The following PDGFA variants were observed in gnomAD, a reference collection of about 807,000 sequenced individuals.
PDGFA encodes platelet-derived growth factor subunit A.
In PDGFA, 9 loss-of-function variants were observed where a neutral mutation model predicts 25.6. The ratio of observed to expected loss-of-function variants is 0.35; its 90% CI spans 0.21 to 0.61. The LOEUF (loss-of-function observed/expected upper bound fraction) is 0.61, where lower values mean the gene tolerates loss of function less well. PDGFA is among the 20% of genes least tolerant of loss of function. The probability of loss-of-function intolerance (pLI) is 0.75; values close to 1 mark genes in which losing one functional copy is unlikely to be tolerated. For missense variants in PDGFA, 242 were observed against 272.8 expected (o/e 0.89, Z 0.79); for synonymous variants, 133 against 111.8 (o/e 1.19, Z -1.20).
chr7:500,978 A>G lies in PDGFA; in HGVS notation c.580+138T>C. ...CCCCGCAGGCATCTGGCCCGGGAGC[A>G]GGGCAACGAATCCTTCAACAGCAGC... On this transcript the variant is annotated intron_variant, in intron 5 of 5. Coordinates refer to ENST00000402802, the Ensembl canonical transcript of PDGFA. The surrounding 1 kb of genome is among the most constrained non-coding windows in gnomAD (Gnocchi z 5.0). The G allele has an allele frequency of 6.3e-7, 1 of 1,599,478 alleles. No individual in the cohort carries two copies. The highest frequency in any genetic ancestry group is 1.7e-5 in the Admixed American group (1 of 59,914).
At chr7:512,307 C>T (rs1305666676) in intron 3 of PDGFA, 44 bp downstream of exon 3, 4 of 1,560,850 alleles carry the variant, frequency 2.6e-6, no homozygotes, top group Non-Finnish European at 3.5e-6. Flanking sequence ...CTGGACTCAC[C>T]CTGACCCGGC....
rs1468182550 is a variant in PDGFA at position 517,035 on chromosome 7, G to C, written c.160+359C>G. Among the ~76,000 whole-genome samples, 2 of 151,220 alleles carry C rather than the reference G, an allele frequency of 1.3e-5. No individual in the cohort carries two copies. Among genetic ancestry groups the C allele is most frequent in the African/African-American group, 4.8e-5 (2 of 41,320 alleles). On this transcript the variant is annotated intron_variant, in intron 2 of 5. Coordinates refer to ENST00000402802, the Ensembl canonical transcript of PDGFA. This position sits in a 1 kb window ranked among gnomAD's most constrained non-coding sequence, Gnocchi z 7.4. ...TCCGCGGGCTGCCCGCCCGGCGCAC[G>C]GGCCAGGGCTCTGCGCCCAGGGTCT...
rs766165770 is a variant in PDGFA at position 508,559 on chromosome 7, C to CAAAAAAAAAAAAAAA, written c.453+2235_453+2249dup. Among the ~76,000 whole-genome samples, 5 of 35,670 alleles carry CAAAAAAAAAAAAAAA rather than the reference C, an allele frequency of 1.4e-4. 2 individuals carry two copies. The highest frequency in any genetic ancestry group is 2.2e-4 in the African/African-American group (2 of 9,006). The allele number at this position is 35,670 out of a possible 152,430, so 23.4% of individuals were successfully genotyped here. ...TGGGCAACAGAGCAAGAAGCTGTCC[C>CAAAAAAAAAAAAAAA]AAAAAAAAAAAAAAAAAAAAAAAAA... is the stretch of plus-strand genomic sequence containing the variant. On this transcript the variant is annotated intron_variant, in intron 4 of 5. Transcript: ENST00000402802.
At chr7:507,334 G>A (rs867163109) in intron 4 of PDGFA, among the ~76,000 whole-genome samples, 56 of 152,294 alleles carry the variant, frequency 3.7e-4, no homozygotes, top group Middle Eastern at 6.8e-3. Context: ...ACCCTGTCCC[G>A]GCAGATGAGA....
chr7:502,768 T>TCACACACACA (rs71016866), intron 4 of PDGFA, among the ~76,000 whole-genome samples: 1,735 of 126,054 alleles, frequency 0.014, 29 homozygotes, highest in Middle Eastern at 0.021. Flanking sequence ...AGGCAAGAAA[T>TCACACACACA]CACACACACA....
chr7:510,896 C>T lies in PDGFA; in HGVS notation c.366G>A (p.Pro122=), dbSNP rs201449690. 1.6e-4 allele frequency: 252 copies of T among 1,612,212 alleles called. No homozygotes were observed. The East Asian group carries it at 4.5e-3, about 29-fold the overall frequency. ...CGGTGCAGCGTTTCACCTCCACGCA[C>T]GGGGGCCAGATCAGGAAGTTGGCGG... The change falls in exon 4 of 6, where the codon CCG becomes CCA. Residue 122 remains proline (P), a synonymous_variant. Coordinates refer to ENST00000402802, the Ensembl canonical transcript of PDGFA.
chr7:505,212 G>T lies in PDGFA; in HGVS notation c.454-3970C>A, dbSNP rs142581814. On this transcript the variant is annotated intron_variant, in intron 4 of 5. Coordinates refer to ENST00000402802, the Ensembl canonical transcript of PDGFA. ...CTACAATGTCCTCAGGACCCCCACG[G>T]GGGGTACCCCGGCCCCCAGGCCCCA... 3.4e-3 allele frequency among the ~76,000 whole-genome samples: 514 copies of T among 152,262 alleles called. 2 individuals are homozygous for T. Among genetic ancestry groups the T allele is most frequent in the African/African-American group, 0.011 (468 of 41,558 alleles).
chr7:500,813 T>G lies in PDGFA; in HGVS notation c.580+303A>C. ...GGCCCTTCTGCAGATTCTTCTCAGC[T>G]CAGCCCCGCAGCCCACTAATGAATT... On this transcript the variant is annotated intron_variant, in intron 5 of 5. Transcript: ENST00000402802. The surrounding 1 kb of genome is among the most constrained non-coding windows in gnomAD (Gnocchi z 5.0). 9 of 1,469,930 alleles carry G rather than the reference T, an allele frequency of 6.1e-6. No homozygotes were observed. The highest frequency in any genetic ancestry group is 7.2e-6 in the Non-Finnish European group (8 of 1,109,352). 91.1% of individuals were successfully genotyped at this position (1,469,930 alleles called of 1,614,324 possible).
rs1275733221 is a variant in PDGFA at position 517,534 on chromosome 7, C to T, written c.64-44G>A. 1.1e-6 allele frequency: 1 copy of T among 911,046 alleles called. No homozygotes were observed. Among genetic ancestry groups the T allele is most frequent in the Non-Finnish European group, 1.4e-6 (1 of 721,124 alleles). 56.4% of individuals were successfully genotyped at this position (911,046 alleles called of 1,614,324 possible). ...CGGTCAGCGCCCGCGGCCCCGACCC[C>T]GCCGGCACGCGCCCCCGGCCGCCAG... On this transcript the variant is annotated intron_variant, in intron 1 of 5. Transcript: ENST00000402802. This position sits in a 1 kb window ranked among gnomAD's most constrained non-coding sequence, Gnocchi z 7.4.
chr7:519,186 C>A lies in PDGFA; in HGVS notation c.-185G>T. 4 of 450,712 alleles carry A rather than the reference C, an allele frequency of 8.9e-6. No homozygotes were observed. The East Asian group carries it at 1.1e-4, about 12-fold the overall frequency. The allele number at this position is 450,712 out of a possible 1,614,324, so 27.9% of individuals were successfully genotyped here. A position where few individuals can be genotyped will look rare whatever the true frequency, so the allele number is the denominator to read the frequency against. The stretch of plus-strand genomic sequence containing the variant: ...CGAGCAGTGAGTGCGGAGAGGCAGG[C>A]AGCGCCAGCCAGGAGGAGGAGAAAC... On this transcript the variant is annotated 5_prime_UTR_variant, in exon 1 of 6. Transcript: ENST00000402802.
intron 4 of PDGFA, among the ~76,000 whole-genome samples, chr7:510,167 C>T (rs1395602420): frequency 1.3e-5 from 2 of 152,198 alleles, no homozygotes; most frequent in Non-Finnish European, 2.9e-5. Flanking sequence ...AAAACGGCCC[C>T]CGCACTGTGG....
Position 517,423 on chromosome 7 carries a change from A to G in PDGFA, c.131T>C (p.Leu44Pro). The change falls in exon 2 of 6, where the codon CTC (leucine) becomes CCC (proline). Residue 44 changes from leucine to proline, a missense_variant. Physicochemically the swap from Leu to Pro is moderately conservative, Grantham distance 98 (BLOSUM62 -3). Coordinates refer to ENST00000402802, the Ensembl canonical transcript of PDGFA. The surrounding 1 kb of genome is among the most constrained non-coding windows in gnomAD (Gnocchi z 7.4). The stretch of plus-strand genomic sequence containing the variant: ...GGAGTCTATCTCCAGGAGTCGCTGG[A>G]GGTCCCGGATGCTGTGGATCTGACT... 7.2e-7 allele frequency: 1 copy of G among 1,391,224 alleles called. No homozygotes were observed. Among genetic ancestry groups the G allele is most frequent in the South Asian group, 1.5e-5 (1 of 67,342 alleles). 86.2% of individuals were successfully genotyped at this position (1,391,224 alleles called of 1,614,324 possible). A position where few individuals can be genotyped will look rare whatever the true frequency, so the allele number is the denominator to read the frequency against.
In PDGFA at chr7:500,380, G is replaced by A. The variant is rs946554880; in HGVS notation, c.580+736C>T. ...CGTGATTTGCTGGTGTGATCAGTCA[G>A]TTGCACCTCCCCGCCCTGCAGGACT... On this transcript the variant is annotated intron_variant, in intron 5 of 5. Coordinates refer to ENST00000402802, the Ensembl canonical transcript of PDGFA. The surrounding 1 kb of genome is among the most constrained non-coding windows in gnomAD (Gnocchi z 5.0). The A allele has an allele frequency of 1.1e-5, 17 of 1,589,758 alleles. No homozygotes were observed. The highest frequency in any genetic ancestry group is 1.7e-4 in the Middle Eastern group (1 of 6,022).
In PDGFA at chr7:500,640, C is replaced by T; in HGVS notation, c.580+476G>A. 1 of 1,485,316 alleles carries T rather than the reference C, an allele frequency of 6.7e-7. No individual in the cohort carries two copies. The highest frequency in any genetic ancestry group is 8.9e-7 in the Non-Finnish European group (1 of 1,123,490). The allele number at this position is 1,485,316 out of a possible 1,614,324, so 92.0% of individuals were successfully genotyped here. ...CCTGGCACCGAGAAACTTCTGAGTCCCCTCATGCTCCCAGGGCCCAGCCAT... is the reference window on the plus strand; with the variant it reads ...CCTGGCACCGAGAAACTTCTGAGTCTCCTCATGCTCCCAGGGCCCAGCCAT... On this transcript the variant is annotated intron_variant, in intron 5 of 5. Transcript: ENST00000402802. This position sits in a 1 kb window ranked among gnomAD's most constrained non-coding sequence, Gnocchi z 5.0.
intron 3 of PDGFA, 134 bp downstream of exon 3, chr7:512,217 G>T (rs970141763): frequency 1.9e-5 from 15 of 791,514 alleles, no homozygotes; most frequent in Non-Finnish European, 2.8e-5. Flanking sequence ...AGGAGGGAAC[G>T]GGTGGCTTGC....
intron 4 of PDGFA, among the ~76,000 whole-genome samples, chr7:502,718 G>T (rs1355742252): frequency 6.6e-6 from 1 of 151,594 alleles, no homozygotes; most frequent in African/African-American, 2.4e-5. Flanking sequence ...CAATGGCCCA[G>T]TCCAGGCCAG....
chr7:498,866 T>C (rs1292669219), intron 5 of PDGFA, among the ~76,000 whole-genome samples: 1 of 152,180 alleles, frequency 6.6e-6, no homozygotes, highest in African/African-American at 2.4e-5. Flanking sequence ...GAATGGCTCA[T>C]TTGCCCTTCT....
exon 4 of PDGFA, chr7:510,953 G>A (rs1782803464): frequency 9.9e-6 from 16 of 1,612,714 alleles, no homozygotes; most frequent in African/African-American, 1.3e-5. Context: ...GAGGAATCTC[G>A]TAAATGACCG....
chr7:508,447 G>C (rs574516428), intron 4 of PDGFA, among the ~76,000 whole-genome samples: 1 of 149,886 alleles, frequency 6.7e-6, no homozygotes, highest in East Asian at 2.0e-4. Context: ...TGCACCTGTA[G>C]CATTCAGGAG....
Sources: gnomAD v4.1 joint callset for allele counts (sites outside exome capture counted in the v4.1 genomes callset) on GRCh38, gnomAD v4.1.1 for gene constraint, Gnocchi (gnomAD v3.1) non-coding constraint, MANE v1.5 for transcripts, NCBI Gene and HGNC (gene_info 2026-07-23, HGNC 2026-07-21) for gene names.